The following TNFSF15 variants were observed in gnomAD, a reference collection of about 807,000 sequenced individuals.
TNFSF15 encodes the protein TNF superfamily member 15.
TNFSF15 carries 15 observed loss-of-function variants against 26.4 expected under a neutral mutation model. The ratio of observed to expected loss-of-function variants is 0.57; its 90% CI spans 0.38 to 0.87. The LOEUF is 0.87. Among genes scored for constraint, TNFSF15 ranks in the 40% least tolerant of loss-of-function variants. The pLI is 0.00. For synonymous variants in TNFSF15, 116 were observed against 115.0 expected, an observed-to-expected ratio of 1.01 and a Z score of -0.06; for missense variants, 290 against 306.1, an observed-to-expected ratio of 0.95 and a Z score of 0.39.
In TNFSF15 at chr9:114,785,152, G is replaced by A. The variant is rs1401271884; in HGVS notation, c.*5300C>T. 6.6e-6 allele frequency: 1 copy of A among 152,200 alleles called. No individual in the cohort carries two copies. The highest frequency in any genetic ancestry group is 2.4e-5 in the African/African-American group (1 of 41,444). The allele number at this position is 152,200 out of a possible 1,614,324, so 9.4% of individuals were successfully genotyped here. A position where few individuals can be genotyped will look rare whatever the true frequency, so the allele number is the denominator to read the frequency against. On this transcript the variant is annotated 3_prime_UTR_variant, in exon 4 of 4. Transcript: ENST00000374045. ...TACGAATGAAGTTGAAAGACTGCTG[G>A]GCTTATTGTTAAGATATCTAAATTC... is the stretch of plus-strand genomic sequence containing the variant.
At chr9:114,791,806 C>A (rs1330738016) in intron 3 of TNFSF15, 1 of 167,932 alleles carries the variant, frequency 6.0e-6, no homozygotes, top group Non-Finnish European at 1.5e-5. Flanking sequence ...GATGAAAATT[C>A]TTTGGAAACA....
rs886616590 is a variant in TNFSF15 at position 114,787,110 on chromosome 9, T to C, written c.*3342A>G. The C allele has an allele frequency of 3.9e-5, 6 of 152,154 alleles. No homozygotes were observed. The highest frequency in any genetic ancestry group is 8.8e-5 in the Non-Finnish European group (6 of 68,010). 9.4% of individuals were successfully genotyped at this position (152,154 alleles called of 1,614,324 possible). A position where few individuals can be genotyped will look rare whatever the true frequency, so the allele number is the denominator to read the frequency against. On this transcript the variant is annotated 3_prime_UTR_variant, in exon 4 of 4. Transcript: ENST00000374045. ...TAAAATTCTAATATTTTTAAGGGTATTGATGACCAAACTTGAATATAGCAA... is the reference window on the plus strand; with the variant it reads ...TAAAATTCTAATATTTTTAAGGGTACTGATGACCAAACTTGAATATAGCAA...
Position 114,786,972 on chromosome 9 carries a change from C to G in TNFSF15, c.*3480G>C, listed in dbSNP as rs1778423266. ...AGTAGCATAATCAATTCTGTTCTGCCAAATAGACTGAAACCATGCTAGCAT... is the reference window on the plus strand; with the variant it reads ...AGTAGCATAATCAATTCTGTTCTGCGAAATAGACTGAAACCATGCTAGCAT... On this transcript the variant is annotated 3_prime_UTR_variant, in exon 4 of 4. Coordinates refer to ENST00000374045, the MANE Select transcript of TNFSF15 (RefSeq NM_005118.4). 6.6e-6 allele frequency: 1 copy of G among 150,540 alleles called. No individual in the cohort carries two copies. The highest frequency in any genetic ancestry group is 1.5e-5 in the Non-Finnish European group (1 of 67,696). 9.3% of individuals were successfully genotyped at this position (150,540 alleles called of 1,614,324 possible). A position where few individuals can be genotyped will look rare whatever the true frequency, so the allele number is the denominator to read the frequency against.
At chr9:114,803,464 C>T (rs979221239) in intron 1 of TNFSF15, among the ~76,000 whole-genome samples, 1 of 152,152 alleles carries the variant, frequency 6.6e-6, no homozygotes, top group Non-Finnish European at 1.5e-5. Flanking sequence ...TGTATGTTTA[C>T]CCAAGTTCTC....
chr9:114,792,290 C>A, intron 3 of TNFSF15, 117 bp downstream of exon 3: 1 of 1,279,608 alleles, frequency 7.8e-7, no homozygotes, highest in South Asian at 1.5e-5. Context: ...GGAGGAGTCT[C>A]TTACCAAGGA....
Position 114,790,884 on chromosome 9 carries a change from CTGTGTGG to C in TNFSF15, c.317_323del (p.Pro106ArgfsTer16). On this transcript the variant is annotated frameshift_variant, in exon 4 of 4. Coordinates refer to ENST00000374045, the MANE Select transcript of TNFSF15 (RefSeq NM_005118.4). LOFTEE classifies it high-confidence loss of function. The stretch of plus-strand genomic sequence containing the variant: ...GAGCTGGGAACTGATTTTTAAAGTG[CTGTGTGG>C]GAGTTTGTCTCACAACTGGAAAGAC... 5 of 1,614,056 alleles carry C rather than the reference CTGTGTGG, an allele frequency of 3.1e-6. No homozygotes were observed. Among genetic ancestry groups the C allele is most frequent in the Non-Finnish European group, 4.2e-6 (5 of 1,180,012 alleles).
rs1049426546 is a variant in TNFSF15, at chr9:114,785,860, G to A, written c.*4592C>T. On this transcript the variant is annotated 3_prime_UTR_variant, in exon 4 of 4. Transcript: ENST00000374045. ...AGAGGTTAGAAGAGTCCAGGATTATGGTTCAGGAAGACAGCTTCCTAGCTC... is the reference window on the plus strand; with the variant it reads ...AGAGGTTAGAAGAGTCCAGGATTATAGTTCAGGAAGACAGCTTCCTAGCTC... 1 of 152,196 alleles carries A rather than the reference G, an allele frequency of 6.6e-6. No homozygotes were observed. Among genetic ancestry groups the A allele is most frequent in the African/African-American group, 2.4e-5 (1 of 41,440 alleles). The allele number at this position is 152,196 out of a possible 1,614,324, so 9.4% of individuals were successfully genotyped here.
At chr9:114,791,472 T>C (rs1414431890) in intron 3 of TNFSF15, 1 of 170,530 alleles carries the variant, frequency 5.9e-6, no homozygotes, top group African/African-American at 2.4e-5. Flanking sequence ...TAATCCTCAC[T>C]CAGAGCTCAC....
At chr9:114,795,091 C>T (rs138728406) in intron 1 of TNFSF15, among the ~76,000 whole-genome samples, 7 of 152,052 alleles carry the variant, frequency 4.6e-5, no homozygotes, top group African/African-American at 9.6e-5. Context: ...TGATGGATAC[C>T]CCAAATACCC....
rs1829633724 is a variant in TNFSF15, at chr9:114,793,399, T to C, written c.253+127A>G. The C allele has an allele frequency of 2.0e-5, 22 of 1,119,816 alleles. No homozygotes were observed. The South Asian group carries it at 2.5e-4, about 13-fold the overall frequency. 69.4% of individuals were successfully genotyped at this position (1,119,816 alleles called of 1,614,324 possible). ...GCCTGCAGCAGAGCCTCATTTCTCC[T>C]CTGGATTTGCATCCCTCAGCTTAGC... On this transcript the variant is annotated intron_variant, in intron 2 of 3. Transcript: ENST00000374045.
At chr9:114,805,451 G>T (rs987240652) in intron 1 of TNFSF15, among the ~76,000 whole-genome samples, 6 of 151,924 alleles carry the variant, frequency 3.9e-5, no homozygotes, top group Non-Finnish European at 8.8e-5. Flanking sequence ...CTCCTTATCT[G>T]TATTTTCTAA....
In TNFSF15 at chr9:114,789,941, T is replaced by C. The variant is rs910136474; in HGVS notation, c.*511A>G. ...ATTCATGAGACATACCAACTCTCTT[T>C]TCATTTTTTTTAGGCAAGGCATGAA... On this transcript the variant is annotated 3_prime_UTR_variant, in exon 4 of 4. Coordinates refer to ENST00000374045, the MANE Select transcript of TNFSF15 (RefSeq NM_005118.4). 1 of 153,656 alleles carries C rather than the reference T, an allele frequency of 6.5e-6. No individual in the cohort carries two copies. The highest frequency in any genetic ancestry group is 1.9e-4 in the East Asian group (1 of 5,362). 9.5% of individuals were successfully genotyped at this position (153,656 alleles called of 1,614,324 possible). A position where few individuals can be genotyped will look rare whatever the true frequency, so the allele number is the denominator to read the frequency against.
At chr9:114,805,375 T>G (rs1215222115) in intron 1 of TNFSF15, among the ~76,000 whole-genome samples, 4 of 152,226 alleles carry the variant, frequency 2.6e-5, no homozygotes, top group African/African-American at 9.6e-5. Context: ...CTGTACAGAA[T>G]TATATATCCC....
intron 1 of TNFSF15, among the ~76,000 whole-genome samples, chr9:114,805,568 T>C (rs1829810269): frequency 6.6e-6 from 1 of 152,196 alleles, no homozygotes; most frequent in South Asian, 2.1e-4. Flanking sequence ...CTAAAAAATA[T>C]GAGGCTGAAG....
At position 114,792,464 on chromosome 9, in the gene TNFSF15, A is replaced by G; in HGVS notation, c.254-10T>C. The G allele has an allele frequency of 6.2e-7, 1 of 1,614,102 alleles. No homozygotes were observed. Among genetic ancestry groups the G allele is most frequent in the Non-Finnish European group, 8.5e-7 (1 of 1,179,972 alleles). ...GCTCTAAGAGGTGCATCTGTAACAA[A>G]AGGAGAAATGTGCTTTGTATGAGAC... On this transcript the variant is annotated splice_polypyrimidine_tract_variant and intron_variant, in intron 2 of 3. Coordinates refer to ENST00000374045, the MANE Select transcript of TNFSF15 (RefSeq NM_005118.4).
At chr9:114,794,267 A>G (rs1196855318) in intron 1 of TNFSF15, among the ~76,000 whole-genome samples, 1 of 152,232 alleles carries the variant, frequency 6.6e-6, no homozygotes, top group East Asian at 1.9e-4. Context: ...GATTGAGGTG[A>G]AGAGCAAATC....
rs111498122 is a variant in TNFSF15 at position 114,798,039 on chromosome 9, A to G, written c.211-4471T>C. Among the ~76,000 whole-genome samples, 431 of 152,320 alleles carry G rather than the reference A, an allele frequency of 2.8e-3. 6 individuals carry two copies. The South Asian group carries it at 0.041, about 14-fold the overall frequency. Reference sequence around the variant, plus strand: ...GGGTGAGGATGCAGTGACTTCAGCCAGAGTTTTATAATCCAAAAATCTAGG... The same window carrying G: ...GGGTGAGGATGCAGTGACTTCAGCCGGAGTTTTATAATCCAAAAATCTAGG... On this transcript the variant is annotated intron_variant, in intron 1 of 3. Coordinates refer to ENST00000374045, the MANE Select transcript of TNFSF15 (RefSeq NM_005118.4).
rs964046810 is a variant in TNFSF15 at position 114,785,503 on chromosome 9, A to G, written c.*4949T>C. 6.6e-6 allele frequency: 1 copy of G among 152,250 alleles called. No individual in the cohort carries two copies. The highest frequency in any genetic ancestry group is 6.5e-5 in the Admixed American group (1 of 15,282). 9.4% of individuals were successfully genotyped at this position (152,250 alleles called of 1,614,324 possible). On this transcript the variant is annotated 3_prime_UTR_variant, in exon 4 of 4. Transcript: ENST00000374045. ...AAAGGCCACATAATTATAGATTTGA[A>G]AAAGACCTCAGAGATCCTTTGGCTT...
rs1829636864 is a variant in TNFSF15, at chr9:114,793,538, G to A, written c.241C>T (p.His81Tyr). The A allele has an allele frequency of 6.2e-7, 1 of 1,613,896 alleles. No homozygotes were observed. The highest frequency in any genetic ancestry group is 2.2e-5 in the East Asian group (1 of 44,880). The change falls in exon 2 of 4, where the codon CAT becomes TAT. Residue 81 changes from histidine to tyrosine, a missense_variant. Physicochemically the swap from His to Tyr is moderately conservative, Grantham distance 83. Transcript: ENST00000374045. The part of the protein sequence containing the change: ...ALKGQEFAPS[H>Y]QQVYAPLRAD... ...TGAGCATACTTACAAACTTGCTGAT[G>A]TGAAGGTGCAAACTCCTGTCCTTTT...
Sources: allele counts gnomAD v4.1 joint callset (sites outside exome capture counted in the v4.1 genomes callset), GRCh38; gene constraint gnomAD v4.1.1; transcripts MANE v1.5; gene names NCBI Gene and HGNC (gene_info 2026-07-23, HGNC 2026-07-21).